Variants in PCDHA11 observed in about 807,000 individuals in gnomAD.
The protein encoded by PCDHA11 is protocadherin alpha 11.
Under a neutral mutation model 70.3 loss-of-function variants are expected in PCDHA11, and 61 were observed. The ratio of observed to expected loss-of-function variants is 0.87; its 90% CI spans 0.71 to 1.07. The LOEUF (loss-of-function observed/expected upper bound fraction) is 1.07. PCDHA11 is among the 50% of genes least tolerant of loss of function. PCDHA11 has a pLI of 0.00. For synonymous variants in PCDHA11, 633 were observed against 555.1 expected (o/e 1.14, Z -1.97); for missense variants, 1,324 against 1,237.5 (o/e 1.07, Z -1.05).
chr5:140,918,750 CAG>C (rs2078839943), intron 1 of PCDHA11, among the ~76,000 whole-genome samples: 1 of 152,070 alleles, frequency 6.6e-6, no homozygotes, highest in African/African-American at 2.4e-5. Flanking sequence ...AAAAGAGGCC[CAG>C]AGAGGTGCCT....
rs782134920 is a variant in PCDHA11, at chr5:140,869,400, C to T, written c.297C>T (p.Ser99=). ...RIDREELCGQ[S]AECSIHLEVI... is the part of the protein sequence containing the mutation. ...ACCGCGAGGAGCTGTGCGGGCAGAG[C>T]GCGGAGTGCAGCATCCACCTGGAGG... The change falls in exon 1 of 4, where the codon AGC becomes AGT. Residue 99 remains serine (S), a synonymous_variant. Transcript: ENST00000398640. 1.2e-6 allele frequency: 2 copies of T among 1,614,026 alleles called. No individual in the cohort carries two copies. The highest frequency in any genetic ancestry group is 2.7e-5 in the African/African-American group (2 of 74,924).
intron 1 of PCDHA11, among the ~76,000 whole-genome samples, chr5:140,963,604 T>A (rs1379826259): frequency 6.6e-6 from 1 of 152,234 alleles, no homozygotes; most frequent in Non-Finnish European, 1.5e-5. Flanking sequence ...CTAGACGTAA[T>A]TGGGAAAGCT....
chr5:140,912,744 T>A (rs944833912), intron 1 of PCDHA11, among the ~76,000 whole-genome samples: 1 of 152,188 alleles, frequency 6.6e-6, no homozygotes, highest in Non-Finnish European at 1.5e-5. Context: ...TGTGGGTCTG[T>A]CATAGATGGC....
intron 1 of PCDHA11, among the ~76,000 whole-genome samples, chr5:140,948,089 G>A (rs1348120900): frequency 6.6e-6 from 1 of 151,454 alleles, no homozygotes; most frequent in African/African-American, 2.4e-5. Flanking sequence ...CTATTGATAT[G>A]AGCATATGAT....
chr5:141,006,388 A>AT (rs2098271631), intron 3 of PCDHA11, among the ~76,000 whole-genome samples: 1 of 151,322 alleles, frequency 6.6e-6, no homozygotes, highest in African/African-American at 2.4e-5. Flanking sequence ...AGTTTTTTCT[A>AT]TTTTTTAGTA....
chr5:140,986,401 C>T (rs782437347), intron 3 of PCDHA11, among the ~76,000 whole-genome samples: 1 of 152,172 alleles, frequency 6.6e-6, no homozygotes. Context: ...GCCAGTCGCT[C>T]ATGTTACAGC....
At chr5:141,002,232 A>G (rs2098067070) in intron 3 of PCDHA11, among the ~76,000 whole-genome samples, 2 of 152,226 alleles carry the variant, frequency 1.3e-5, no homozygotes, top group African/African-American at 4.8e-5. Flanking sequence ...GTTTTCTGGA[A>G]GCTCTTTATT....
At chr5:140,989,317 C>G (rs184467267) in intron 3 of PCDHA11, among the ~76,000 whole-genome samples, 2 of 152,126 alleles carry the variant, frequency 1.3e-5, no homozygotes, top group Non-Finnish European at 2.9e-5. Context: ...TAGGGTCTCA[C>G]CAACTTTGCC....
chr5:140,878,627 T>C (rs2057676475), intron 1 of PCDHA11, among the ~76,000 whole-genome samples: 1 of 152,236 alleles, frequency 6.6e-6, no homozygotes, highest in Non-Finnish European at 1.5e-5. Flanking sequence ...TTACATATTT[T>C]AACTTTCTAT....
chr5:140,882,226 G>C (rs778262653), intron 1 of PCDHA11: 257 of 1,564,032 alleles, frequency 1.6e-4, no homozygotes, highest in Non-Finnish European at 3.8e-5. Flanking sequence ...GAGGTAAGGC[G>C]TTGTATATAT....
At chr5:140,968,757 A>T in intron 1 of PCDHA11, 1 of 1,614,204 alleles carries the variant, frequency 6.2e-7, no homozygotes, top group Non-Finnish European at 8.5e-7. Context: ...GTGGTCCGAG[A>T]TAATGGAGAG....
chr5:140,954,208 A>C (rs568734009), intron 1 of PCDHA11, among the ~76,000 whole-genome samples: 1 of 152,254 alleles, frequency 6.6e-6, no homozygotes, highest in Admixed American at 6.5e-5. Context: ...GGTTGATCCC[A>C]TGTTTTTGCT....
chr5:140,970,641 T>C (rs1430565577), intron 1 of PCDHA11, among the ~76,000 whole-genome samples: 1 of 152,170 alleles, frequency 6.6e-6, no homozygotes, highest in African/African-American at 2.4e-5. Context: ...GTACCATAAA[T>C]AGTGATGAAT....
intron 1 of PCDHA11, among the ~76,000 whole-genome samples, chr5:140,954,247 A>T (rs782077145): frequency 2.6e-5 from 4 of 152,196 alleles, no homozygotes; most frequent in Non-Finnish European, 4.4e-5. Context: ...ATGAACATAC[A>T]CATGCAGGTA....
chr5:140,910,546 A>G (rs2075078968), intron 1 of PCDHA11, among the ~76,000 whole-genome samples: 1 of 152,198 alleles, frequency 6.6e-6, no homozygotes, highest in Non-Finnish European at 1.5e-5. Context: ...CTATTTTGCA[A>G]AGTATTAGTC....
At chr5:141,003,658 A>G (rs1379758431) in intron 3 of PCDHA11, among the ~76,000 whole-genome samples, 2 of 152,212 alleles carry the variant, frequency 1.3e-5, no homozygotes, top group Non-Finnish European at 2.9e-5. Flanking sequence ...GTATGCATTT[A>G]TTAAAATATA....
intron 3 of PCDHA11, among the ~76,000 whole-genome samples, chr5:141,008,523 C>A (rs2098380908): frequency 6.6e-6 from 1 of 152,182 alleles, no homozygotes; most frequent in Admixed American, 6.5e-5. Context: ...CAATCAGACT[C>A]TTGGGAATGT....
intron 1 of PCDHA11, chr5:140,883,108 AT>A (rs1261032162): frequency 6.2e-7 from 1 of 1,614,018 alleles, no homozygotes; most frequent in Non-Finnish European, 8.5e-7. Flanking sequence ...TAGTTTACTC[AT>A]TTAGAAGGCC....
intron 1 of PCDHA11, among the ~76,000 whole-genome samples, chr5:140,908,191 G>A (rs548195405): frequency 2.6e-5 from 4 of 152,244 alleles, no homozygotes; most frequent in African/African-American, 9.6e-5. Flanking sequence ...TTCAGGTGGT[G>A]GACATATCAT....
Sources: allele counts gnomAD v4.1 joint callset (sites outside exome capture counted in the v4.1 genomes callset), GRCh38; gene constraint gnomAD v4.1.1; transcripts MANE v1.5; gene names NCBI Gene and HGNC (gene_info 2026-07-23, HGNC 2026-07-21).